The following ANKFN1 variants were observed in gnomAD, a reference collection of about 807,000 sequenced individuals.
The protein encoded by ANKFN1 is ankyrin repeat and fibronectin type-III domain-containing protein 1.
In ANKFN1, 74 loss-of-function variants were observed where a neutral mutation model predicts 108.7. The ratio of observed to expected loss-of-function variants is 0.68; its 90% confidence interval spans 0.56 to 0.83. The LOEUF (loss-of-function observed/expected upper bound fraction) is 0.83, where lower values mean the gene tolerates loss of function less well. Ranked by LOEUF, ANKFN1 falls within the 40% of genes least tolerant of loss-of-function variation. ANKFN1 has a pLI of 0.00. For missense variants in ANKFN1, 1,505 were observed against 1,382.3 expected (o/e 1.09, Z -1.41); for synonymous variants, 547 against 516.2 (o/e 1.06, Z -0.81).
chr17:56,408,172 G>T (rs539278339), intron 8 of ANKFN1, among the ~76,000 whole-genome samples: 1 of 151,792 alleles, frequency 6.6e-6, no homozygotes, highest in Non-Finnish European at 1.5e-5. Context: ...CAACCTCAGG[G>T]GATCTGCCCA....
chr17:56,273,159 A>G (rs894912356), intron 3 of ANKFN1, among the ~76,000 whole-genome samples: 18 of 152,204 alleles, frequency 1.2e-4, no homozygotes, highest in African/African-American at 4.3e-4. Flanking sequence ...ATTTATACAT[A>G]ATACAAGACA....
rs185311071 is a variant in ANKFN1, at chr17:56,243,596, T to G, written c.53+15639T>G. Among the ~76,000 whole-genome samples, 14 of 152,274 alleles carry G rather than the reference T, an allele frequency of 9.2e-5. No individual in the cohort carries two copies. In the East Asian group the frequency reaches 2.1e-3, roughly 23 times the overall value. On this transcript the variant is annotated intron_variant, in intron 3 of 20. Coordinates refer to ENST00000682825, the MANE Select transcript of ANKFN1 (RefSeq NM_001370326.1). ...TACTTAATATGAAGCATTTTTACTT[T>G]GTAGTAAACTACAGTTGCTAAACTC...
chr17:56,504,953 G>GCC (rs2051504954), intron 20 of ANKFN1, among the ~76,000 whole-genome samples: 1 of 151,160 alleles, frequency 6.6e-6, no homozygotes, highest in Non-Finnish European at 1.5e-5. Flanking sequence ...GATTACAGGT[G>GCC]TGAGCCACCG....
At chr17:56,265,206 ACTAC>A (rs2043617532) in intron 3 of ANKFN1, among the ~76,000 whole-genome samples, 1 of 152,196 alleles carries the variant, frequency 6.6e-6, no homozygotes, top group African/African-American at 2.4e-5. Context: ...CTCTAAAGAT[ACTAC>A]CTGAGACTGG....
At chr17:56,189,170 C>CATTTTTTTTTTTTTTTTTTTTTT (rs1555607722) in intron 1 of ANKFN1, among the ~76,000 whole-genome samples, 2 of 85,290 alleles carry the variant, frequency 2.3e-5, no homozygotes, top group African/African-American at 1.4e-4. Context: ...GTTGCCCTGA[C>CATTTTTTTTTTTTTTTTTTTTTT]TTTTTTTTTT....
chr17:56,253,921 A>G (rs1157206491), intron 3 of ANKFN1, among the ~76,000 whole-genome samples: 1 of 152,108 alleles, frequency 6.6e-6, no homozygotes, highest in African/African-American at 2.4e-5. Flanking sequence ...TTACATATGT[A>G]TCTTCATATC....
At chr17:56,441,204 C>T (rs188466729) in intron 9 of ANKFN1, among the ~76,000 whole-genome samples, 1 of 152,120 alleles carries the variant, frequency 6.6e-6, no homozygotes, top group Non-Finnish European at 1.5e-5. Flanking sequence ...TTAAATCAAA[C>T]CTTTTTCAGT....
chr17:56,248,137 C>T (rs1331891226), intron 3 of ANKFN1, among the ~76,000 whole-genome samples: 2 of 152,122 alleles, frequency 1.3e-5, no homozygotes, highest in African/African-American at 2.4e-5. Context: ...GACTCTTCAC[C>T]ATAATCTTTT....
At chr17:56,126,636 A>C (rs1239683535) in intron 4 of ANKFN1, among the ~76,000 whole-genome samples, 1 of 152,192 alleles carries the variant, frequency 6.6e-6, no homozygotes, top group Non-Finnish European at 1.5e-5. Flanking sequence ...AGACACAAAT[A>C]ACCCTGAATG....
chr17:56,347,933 G>A (rs1004551228), intron 4 of ANKFN1, among the ~76,000 whole-genome samples: 2 of 151,998 alleles, frequency 1.3e-5, no homozygotes, highest in Non-Finnish European at 2.9e-5. Flanking sequence ...GGGCATTGTG[G>A]GAGATACAAA....
rs1193448476 is a variant in ANKFN1, at chr17:56,516,365, T to A, written c.*5096T>A. On this transcript the variant is annotated 3_prime_UTR_variant, in exon 21 of 21. Transcript: ENST00000682825. ...CATTTGGCAGTATTTAATTGCTTCC[T>A]TCCTAATGTGTACATAGCAATCTGG... Among the ~76,000 whole-genome samples the A allele has an allele frequency of 6.6e-6, 1 of 152,174 alleles. No homozygotes were observed. Among genetic ancestry groups the A allele is most frequent in the African/African-American group, 2.4e-5 (1 of 41,432 alleles).
At chr17:56,149,157 C>A (rs558388103), upstream of ANKFN1, among the ~76,000 whole-genome samples, 3 of 151,900 alleles carry the variant, frequency 2.0e-5, no homozygotes, top group East Asian at 1.9e-4. Flanking sequence ...TAGTCTTTTC[C>A]GGTCATGTTT....
chr17:56,375,597 G>A (rs902196278), intron 8 of ANKFN1, among the ~76,000 whole-genome samples: 9 of 152,272 alleles, frequency 5.9e-5, no homozygotes, highest in Admixed American at 5.2e-4. Flanking sequence ...TGGTGATACT[G>A]TGTATGATTT....
chr17:56,299,714 T>G (rs1418103372), intron 3 of ANKFN1, among the ~76,000 whole-genome samples: 1 of 152,072 alleles, frequency 6.6e-6, no homozygotes. Context: ...CCCCTGAGAG[T>G]TGCAGTGAGC....
intron 3 of ANKFN1, among the ~76,000 whole-genome samples, chr17:56,319,159 C>T (rs146967275): frequency 3.2e-4 from 49 of 152,252 alleles, no homozygotes; most frequent in African/African-American, 1.0e-3. Context: ...GACTAATCAA[C>T]GAAACCGTTT....
intron 4 of ANKFN1, among the ~76,000 whole-genome samples, chr17:56,055,596 T>TATATATATATATATATATATATATAC (rs768200056): frequency 7.7e-6 from 1 of 130,650 alleles, no homozygotes; most frequent in African/African-American, 3.1e-5. Flanking sequence ...TATGTATATA[T>TATATATATATATATATATATATATAC]ACACATTTTT....
chr17:56,360,205 G>A (rs2046479684), intron 6 of ANKFN1, among the ~76,000 whole-genome samples: 1 of 151,988 alleles, frequency 6.6e-6, no homozygotes, highest in Admixed American at 6.6e-5. Context: ...TTCTTATACT[G>A]TGCACTCCTC....
At position 56,271,747 on chromosome 17, in the gene ANKFN1, G is replaced by A. The variant is rs1281060169; in HGVS notation, c.53+43790G>A. Among the ~76,000 whole-genome samples, 5 of 152,150 alleles carry A rather than the reference G, an allele frequency of 3.3e-5. No individual in the cohort carries two copies. In the East Asian group the frequency reaches 9.6e-4, roughly 29 times the overall value. The stretch of plus-strand genomic sequence containing the variant: ...ATGCTATAAGACAAGTTGGGACATG[G>A]ACCTGCAAGAGACCAGAGTGGCTCA... On this transcript the variant is annotated intron_variant, in intron 3 of 20. Transcript: ENST00000682825.
chr17:56,179,001 C>T (rs867872155), intron 1 of ANKFN1, among the ~76,000 whole-genome samples: 18 of 152,014 alleles, frequency 1.2e-4, no homozygotes, highest in African/African-American at 3.6e-4. Context: ...ACAATGGAAT[C>T]GATTATAAAT....
Sources: gnomAD v4.1 joint callset for allele counts (sites outside exome capture counted in the v4.1 genomes callset) on GRCh38, gnomAD v4.1.1 for gene constraint, MANE v1.5 for transcripts, NCBI Gene and HGNC (gene_info 2026-07-23, HGNC 2026-07-21) for gene names.